Variants in FAM78B observed in about 807,000 individuals in gnomAD.
The protein encoded by FAM78B is family with sequence similarity 78 member B.
FAM78B carries 10 observed loss-of-function variants against 20.0 expected under a neutral mutation model. The observed-to-expected ratio is 0.50, with a 90% confidence interval of 0.31 to 0.85. FAM78B has a LOEUF of 0.85. Ranked by LOEUF, FAM78B falls within the 40% of genes least tolerant of loss-of-function variation. The pLI is 0.05. For synonymous variants in FAM78B, 135 were observed against 132.8 expected, an observed-to-expected ratio of 1.02 and a Z score of -0.12; for missense variants, 283 against 345.0, an observed-to-expected ratio of 0.82 and a Z score of 1.42.
chr1:166,154,045 T>C (rs1655795981), intron 1 of FAM78B, among the ~76,000 whole-genome samples: 1 of 151,788 alleles, frequency 6.6e-6, no homozygotes, highest in Non-Finnish European at 1.5e-5. Context: ...AGAGACAGGG[T>C]CTCCAGGCTG....
intron 1 of FAM78B, among the ~76,000 whole-genome samples, chr1:166,080,052 G>T (rs1021252000): frequency 6.6e-6 from 1 of 152,180 alleles, no homozygotes; most frequent in African/African-American, 2.4e-5. Flanking sequence ...TTTCCATTAT[G>T]CAGTAGGGAA....
chr1:166,116,164 G>A (rs1356839905), intron 1 of FAM78B, among the ~76,000 whole-genome samples: 2 of 152,198 alleles, frequency 1.3e-5, no homozygotes, highest in African/African-American at 2.4e-5. Context: ...TCTTGGTGGG[G>A]CTGCTGGAGA....
chr1:166,070,092 C>A lies in FAM78B; in HGVS notation c.*149G>T. On this transcript the variant is annotated 3_prime_UTR_variant, in exon 2 of 2. Transcript: ENST00000354422. ...GATTATGGTTCTACCACCCAAGGAGCAGCCCTACTCTTCAAAAGTGGCTGC... is the reference window on the plus strand; with the variant it reads ...GATTATGGTTCTACCACCCAAGGAGAAGCCCTACTCTTCAAAAGTGGCTGC... The A allele has an allele frequency of 7.4e-7, 1 of 1,344,876 alleles. No homozygotes were observed. Among genetic ancestry groups the A allele is most frequent in the Non-Finnish European group, 9.6e-7 (1 of 1,042,422 alleles). The allele number at this position is 1,344,876 out of a possible 1,614,324, so 83.3% of individuals were successfully genotyped here. A position where few individuals can be genotyped will look rare whatever the true frequency, so the allele number is the denominator to read the frequency against.
intron 1 of FAM78B, among the ~76,000 whole-genome samples, chr1:166,127,008 A>G (rs949822190): frequency 3.3e-5 from 5 of 152,198 alleles, no homozygotes; most frequent in Non-Finnish European, 7.3e-5. Flanking sequence ...AAGAGATCTC[A>G]CCTGATTCTG....
Position 166,166,134 on chromosome 1 carries a change from G to T in FAM78B, c.115C>A (p.Pro39Thr). 6.2e-7 allele frequency: 1 copy of T among 1,609,608 alleles called. No homozygotes were observed. The highest frequency in any genetic ancestry group is 8.5e-7 in the Non-Finnish European group (1 of 1,177,892). Residue 39 changes from proline (P) to threonine (T), a missense_variant, in exon 1 of 2, where the codon CCC becomes ACC. Transcript: ENST00000354422. Reference sequence around the variant, plus strand: ...GGGGTCTTGTAGCGCAGGACGATGGGCGAGGTCTCCTCGATGCGCGTGGGG... The same window carrying T: ...GGGGTCTTGTAGCGCAGGACGATGGTCGAGGTCTCCTCGATGCGCGTGGGG... ...QCPTRIEETSPIVLRYKTPYF... is the reference protein window; with the variant it reads ...QCPTRIEETSTIVLRYKTPYF...
intron 1 of FAM78B, among the ~76,000 whole-genome samples, chr1:166,135,128 G>A (rs1655022106): frequency 6.6e-6 from 1 of 152,150 alleles, no homozygotes; most frequent in African/African-American, 2.4e-5. Context: ...ACCTACAGAG[G>A]TTAATTTTCC....
At chr1:166,142,776 A>G (rs1013938605) in intron 1 of FAM78B, among the ~76,000 whole-genome samples, 1 of 152,212 alleles carries the variant, frequency 6.6e-6, no homozygotes, top group Admixed American at 6.5e-5. Context: ...GGGTCGTAAA[A>G]AGTGGGCTAG....
chr1:166,056,894 G>C (rs1022718397), downstream of FAM78B, among the ~76,000 whole-genome samples: 1 of 152,154 alleles, frequency 6.6e-6, no homozygotes, highest in African/African-American at 2.4e-5. Flanking sequence ...ATAGTATTAG[G>C]GGGTGGGGCT....
At chr1:166,067,060 G>T (rs1273166816), downstream of FAM78B, among the ~76,000 whole-genome samples, 4 of 152,180 alleles carry the variant, frequency 2.6e-5, no homozygotes, top group Admixed American at 2.6e-4. Context: ...ATTTCCTCTT[G>T]TTCTTTAAAG....
At chr1:166,084,102 C>A (rs1477821843) in intron 1 of FAM78B, among the ~76,000 whole-genome samples, 1 of 151,606 alleles carries the variant, frequency 6.6e-6, no homozygotes, top group Non-Finnish European at 1.5e-5. Context: ...TGGCATGCAC[C>A]AAGAAAGACG....
chr1:166,136,700 C>A (rs1655077081), intron 1 of FAM78B, among the ~76,000 whole-genome samples: 1 of 152,160 alleles, frequency 6.6e-6, no homozygotes, highest in African/African-American at 2.4e-5. Flanking sequence ...ATGAAAAAAT[C>A]CACCTCTACC....
intron 1 of FAM78B, among the ~76,000 whole-genome samples, chr1:166,163,193 T>G (rs1426106400): frequency 6.6e-6 from 1 of 152,156 alleles, no homozygotes; most frequent in Non-Finnish European, 1.5e-5. Context: ...CTTGCAGCAG[T>G]CTGTTCAAGG....
chr1:166,139,889 T>G (rs10800196), intron 1 of FAM78B, among the ~76,000 whole-genome samples: 139,186 of 152,242 alleles, frequency 0.91, 64,330 homozygotes, highest in Non-Finnish European at 0.99. Context: ...TGCTGTGAGG[T>G]TGGAGGGAAG....
chr1:166,116,121 G>A (rs1052163641), intron 1 of FAM78B, among the ~76,000 whole-genome samples: 9 of 152,208 alleles, frequency 5.9e-5, no homozygotes, highest in African/African-American at 2.2e-4. Context: ...CCAAGGCCTG[G>A]TTGCATTCTG....
intron 1 of FAM78B, among the ~76,000 whole-genome samples, chr1:166,133,618 C>A (rs1055070355): frequency 1.4e-5 from 2 of 144,936 alleles, no homozygotes; most frequent in Non-Finnish European, 3.0e-5. Flanking sequence ...AAAAAAGAAC[C>A]GTAAATATAA....
intron 1 of FAM78B, among the ~76,000 whole-genome samples, chr1:166,149,106 C>T (rs531161418): frequency 3.3e-5 from 5 of 152,186 alleles, no homozygotes; most frequent in Admixed American, 6.5e-5. Context: ...AATAAACATA[C>T]GTGTGCATGT....
intron 1 of FAM78B, among the ~76,000 whole-genome samples, chr1:166,120,822 G>A (rs1454093655): frequency 6.6e-6 from 1 of 152,172 alleles, no homozygotes; most frequent in Non-Finnish European, 1.5e-5. Context: ...GGATAAATGC[G>A]CTAGGCAGGA....
chr1:166,130,684 T>C (rs731264), intron 1 of FAM78B, among the ~76,000 whole-genome samples: 24,784 of 152,100 alleles, frequency 0.16, 2,184 homozygotes, highest in East Asian at 0.27. Context: ...TGAATACTTA[T>C]TAATTAAAAT....
At chr1:166,084,235 ACACTCT>A (rs1328664929) in intron 1 of FAM78B, among the ~76,000 whole-genome samples, 32 of 120,058 alleles carry the variant, frequency 2.7e-4, no homozygotes, top group African/African-American at 9.1e-4. Flanking sequence ...ACACACACAC[ACACTCT>A]CTCTCTCTCT....
Sources: allele counts gnomAD v4.1 joint callset (sites outside exome capture counted in the v4.1 genomes callset), GRCh38; gene constraint gnomAD v4.1.1; transcripts MANE v1.5; gene names NCBI Gene and HGNC (gene_info 2026-07-23, HGNC 2026-07-21).